The following LPAR1 variants were observed in gnomAD, a reference collection of about 807,000 sequenced individuals.
LPAR1 encodes the protein lysophosphatidic acid receptor 1.
Under a neutral mutation model 23.8 loss-of-function variants are expected in LPAR1, and 5 were observed. The observed-to-expected ratio is 0.21, with a 90% CI of 0.11 to 0.44. The LOEUF is 0.44. Ranked by LOEUF, LPAR1 falls within the 20% of genes least tolerant of loss-of-function variation. The pLI is 0.99. For synonymous variants in LPAR1, 160 were observed against 164.7 expected, an observed-to-expected ratio of 0.97 and a Z score of 0.22; for missense variants, 311 against 482.8, an observed-to-expected ratio of 0.64 and a Z score of 3.33.
chr9:110,902,847 G>C (rs969873983), intron 5 of LPAR1, among the ~76,000 whole-genome samples: 1 of 152,182 alleles, frequency 6.6e-6, no homozygotes, highest in Admixed American at 6.5e-5. Context: ...ACCTCCATCA[G>C]AGGCATCATG....
At chr9:110,912,456 A>T (rs944251844) in intron 5 of LPAR1, among the ~76,000 whole-genome samples, 27 of 152,188 alleles carry the variant, frequency 1.8e-4, no homozygotes, top group African/African-American at 6.5e-4. Context: ...GGGGGCAAAG[A>T]CCTTTTGGCT....
At chr9:110,987,511 G>C (rs1406946420) in intron 2 of LPAR1, among the ~76,000 whole-genome samples, 2 of 151,576 alleles carry the variant, frequency 1.3e-5, no homozygotes, top group Non-Finnish European at 2.9e-5. Flanking sequence ...AGACTGATTT[G>C]AGTAATAAAA....
chr9:110,930,558 G>C (rs1177796204), intron 5 of LPAR1, among the ~76,000 whole-genome samples: 1 of 151,776 alleles, frequency 6.6e-6, no homozygotes, highest in African/African-American at 2.4e-5. Context: ...TTCCTTATAG[G>C]TCAGTAACCA....
chr9:110,906,518 A>G (rs1381905583), intron 5 of LPAR1, among the ~76,000 whole-genome samples: 5 of 152,184 alleles, frequency 3.3e-5, no homozygotes, highest in African/African-American at 1.2e-4. Flanking sequence ...AACCCAACAC[A>G]TGCCAAAATG....
At chr9:111,015,515 G>A (rs1435290543) in intron 2 of LPAR1, among the ~76,000 whole-genome samples, 1 of 152,144 alleles carries the variant, frequency 6.6e-6, no homozygotes, top group Non-Finnish European at 1.5e-5. Context: ...GTAGAGGGTA[G>A]AATGATGGTC....
At chr9:110,959,577 C>T (rs962408347) in intron 4 of LPAR1, among the ~76,000 whole-genome samples, 3 of 152,020 alleles carry the variant, frequency 2.0e-5, no homozygotes, top group Non-Finnish European at 4.4e-5. Context: ...GAGATCACAA[C>T]ACTGCACTCC....
intron 2 of LPAR1, among the ~76,000 whole-genome samples, chr9:110,997,292 A>G (rs1365428301): frequency 1.3e-5 from 2 of 152,212 alleles, no homozygotes. Context: ...AGAAGATTAT[A>G]AAGAACAAGA....
At chr9:110,955,870 A>G (rs1263824131) in intron 4 of LPAR1, among the ~76,000 whole-genome samples, 1 of 152,088 alleles carries the variant, frequency 6.6e-6, no homozygotes, top group Admixed American at 6.5e-5. Context: ...ATTGAAACAC[A>G]ACATACCAAA....
chr9:110,994,439 G>C (rs760331421), intron 2 of LPAR1, among the ~76,000 whole-genome samples: 1 of 152,164 alleles, frequency 6.6e-6, no homozygotes, highest in Non-Finnish European at 1.5e-5. Context: ...TTAGATGATA[G>C]TAAGATAATA....
chr9:110,911,196 C>CCACTGTCATCAGCCAGCAACCAT (rs2092386775), intron 5 of LPAR1, among the ~76,000 whole-genome samples: 1 of 152,152 alleles, frequency 6.6e-6, no homozygotes, highest in Non-Finnish European at 1.5e-5. Flanking sequence ...TCAGCAACCA[C>CCACTGTCATCAGCCAGCAACCAT]CACTGTCATC....
intron 2 of LPAR1, among the ~76,000 whole-genome samples, chr9:110,974,208 C>T (rs2096497935): frequency 6.6e-6 from 1 of 151,926 alleles, no homozygotes; most frequent in African/African-American, 2.4e-5. Context: ...GAGCTTTTGT[C>T]TGTAAATATA....
At chr9:111,012,117 G>A (rs1327667968) in intron 2 of LPAR1, among the ~76,000 whole-genome samples, 1 of 152,144 alleles carries the variant, frequency 6.6e-6, no homozygotes, top group Non-Finnish European at 1.5e-5. Flanking sequence ...CAGGCATGGT[G>A]GTGCACATCT....
Position 110,972,106 on chromosome 9 carries a change from G to T in LPAR1, c.12C>A (p.Ile4=), listed in dbSNP as rs1352411556. ...GTGAAATTACAGGGATGGAAGTAGA[G>T]ATGGCAGCCATGACAGCTCTGTGGT... MAA[I]STSIPVISQP... The change falls in exon 4 of 6, where the codon ATC becomes ATA. Residue 4 remains isoleucine (I), a synonymous_variant. Transcript: ENST00000683809. 1 of 1,613,962 alleles carries T rather than the reference G, an allele frequency of 6.2e-7. No individual in the cohort carries two copies. The highest frequency in any genetic ancestry group is 2.2e-5 in the East Asian group (1 of 44,870).
intron 4 of LPAR1, among the ~76,000 whole-genome samples, chr9:110,958,242 C>T (rs1052865521): frequency 2.0e-5 from 3 of 152,054 alleles, no homozygotes; most frequent in Non-Finnish European, 4.4e-5. Flanking sequence ...AAAATTCATA[C>T]AGAACCAAAA....
chr9:110,897,470 G>A (rs1293763907), intron 5 of LPAR1, among the ~76,000 whole-genome samples: 1 of 152,190 alleles, frequency 6.6e-6, no homozygotes, highest in Non-Finnish European at 1.5e-5. Flanking sequence ...TTTATCAGCA[G>A]TGTGAAAACA....
intron 5 of LPAR1, among the ~76,000 whole-genome samples, chr9:110,932,250 G>C (rs543622864): frequency 1.6e-3 from 241 of 152,246 alleles, no homozygotes; most frequent in African/African-American, 5.8e-3. Context: ...ACCTATTCTA[G>C]GTGCTGGGAA....
intron 5 of LPAR1, among the ~76,000 whole-genome samples, chr9:110,906,989 A>G (rs2091421113): frequency 6.7e-6 from 1 of 149,090 alleles, no homozygotes; most frequent in South Asian, 2.1e-4. Context: ...ATCTAGAATT[A>G]AGAACAAAAC....
chr9:110,967,239 G>A (rs1447155088), intron 4 of LPAR1, among the ~76,000 whole-genome samples: 1 of 152,112 alleles, frequency 6.6e-6, no homozygotes, highest in Non-Finnish European at 1.5e-5. Flanking sequence ...CTCTCAGCAT[G>A]AGAAAACAAA....
At chr9:110,952,997 C>T (rs1001689835) in intron 4 of LPAR1, among the ~76,000 whole-genome samples, 2 of 152,226 alleles carry the variant, frequency 1.3e-5, no homozygotes, top group Non-Finnish European at 2.9e-5. Context: ...AGTTGGCACA[C>T]AGACGTATGT....
Sources: gnomAD v4.1 joint callset for allele counts (sites outside exome capture counted in the v4.1 genomes callset) on GRCh38, gnomAD v4.1.1 for gene constraint, MANE v1.5 for transcripts, NCBI Gene and HGNC (gene_info 2026-07-23, HGNC 2026-07-21) for gene names.